Variants in B4GALT2 observed in about 807,000 individuals in gnomAD.
B4GALT2 encodes beta-1,4-galactosyltransferase 2.
Under a neutral mutation model 33.2 loss-of-function variants are expected in B4GALT2, and 18 were observed. The ratio of observed to expected loss-of-function variants is 0.54; its 90% CI spans 0.38 to 0.80. The LOEUF (loss-of-function observed/expected upper bound fraction) is 0.80, where lower values mean the gene tolerates loss of function less well. B4GALT2 is among the 30% of genes least tolerant of loss of function. The pLI, the probability that B4GALT2 is intolerant of heterozygous loss-of-function variation, is 0.00. For synonymous variants in B4GALT2, 214 were observed against 217.6 expected (o/e 0.98, Z 0.15); for missense variants, 404 against 526.2 (o/e 0.77, Z 2.27).
chr1:43,987,309 A>G (rs963343476), intron 6 of B4GALT2, among the ~76,000 whole-genome samples: 2 of 152,130 alleles, frequency 1.3e-5, no homozygotes, highest in South Asian at 2.1e-4. Flanking sequence ...TGGATTGGGT[A>G]TGACTACTCT....
chr1:43,980,302 C>T, intron 1 of B4GALT2: 1 of 403,446 alleles, frequency 2.5e-6, no homozygotes, highest in South Asian at 6.1e-5. Flanking sequence ...CCAAGCATCC[C>T]GTTCCGGGAA....
intron 5 of B4GALT2, 32 bp downstream of exon 5, chr1:43,985,432 G>GA: frequency 9.6e-7 from 1 of 1,046,226 alleles, no homozygotes. Context: ...AATAGGCTGG[G>GA]TGGGGGGGGG....
rs2085722201 is a variant in B4GALT2, at chr1:43,990,701, G to A, written c.*253G>A. On this transcript the variant is annotated 3_prime_UTR_variant, in exon 7 of 7. Transcript: ENST00000372324. ...TTCCCGACCCCCTCCCCCTAGCCCA[G>A]CCCCAGTCACTGTCAGGGTCGGGCC... 3.8e-6 allele frequency: 2 copies of A among 529,868 alleles called. No homozygotes were observed. Among genetic ancestry groups the A allele is most frequent in the Non-Finnish European group, 3.4e-6 (1 of 295,716 alleles). 32.8% of individuals were successfully genotyped at this position (529,868 alleles called of 1,614,324 possible).
At chr1:43,988,531 G>A (rs1482307074) in intron 6 of B4GALT2, among the ~76,000 whole-genome samples, 1 of 151,604 alleles carries the variant, frequency 6.6e-6, no homozygotes, top group African/African-American at 2.4e-5. Flanking sequence ...GTGGTGGTGG[G>A]CGCCTGTAAT....
rs1000164461 is a variant in B4GALT2 at position 43,984,042 on chromosome 1, C to T, written c.550-823C>T. Among the ~76,000 whole-genome samples, 6 of 152,332 alleles carry T rather than the reference C, an allele frequency of 3.9e-5. No homozygotes were observed. The highest frequency in any genetic ancestry group is 3.9e-4 in the East Asian group (2 of 5,182). On this transcript the variant is annotated intron_variant, in intron 3 of 6. Coordinates refer to ENST00000372324, the MANE Select transcript of B4GALT2 (RefSeq NM_003780.5). This position sits in a 1 kb window ranked among gnomAD's most constrained non-coding sequence, Gnocchi z 5.6. ...GTTGGGGCAGGGGCTCAGGGGTCAG[C>T]GCCTCCCACTGAATGCTCCCTGCTA...
At chr1:43,988,171 T>C (rs930480688) in intron 6 of B4GALT2, among the ~76,000 whole-genome samples, 8 of 152,020 alleles carry the variant, frequency 5.3e-5, no homozygotes, top group Admixed American at 2.6e-4. Context: ...ATGATGCATC[T>C]GATTGCGCTT....
intron 1 of B4GALT2, chr1:43,980,443 T>A (rs746390465): frequency 3.1e-5 from 20 of 647,462 alleles, no homozygotes; most frequent in Non-Finnish European, 3.9e-5. Context: ...TGGGAAGGGA[T>A]TCTGTAAACA....
intron 6 of B4GALT2, chr1:43,986,206 GCT>G (rs1256658952): frequency 5.2e-5 from 8 of 154,268 alleles, no homozygotes; most frequent in African/African-American, 1.7e-4. Context: ...TCCTGACACT[GCT>G]CTGACTTGTG....
intron 6 of B4GALT2, 52 bp downstream of exon 6, chr1:43,985,673 C>A: frequency 6.4e-7 from 1 of 1,559,432 alleles, no homozygotes; most frequent in South Asian, 1.1e-5. Context: ...TCCCAATATC[C>A]CCAACTCTTG....
rs1557654225 is a variant in B4GALT2 at position 43,990,285 on chromosome 1, C to T, written c.969-13C>T. ...TTGTTAGCCCTGATGTGGACCATTT[C>T]CATCCTATCTAGGTTTACCAAGATT... On this transcript the variant is annotated splice_polypyrimidine_tract_variant and intron_variant, in intron 6 of 6. Coordinates refer to ENST00000372324, the MANE Select transcript of B4GALT2 (RefSeq NM_003780.5). The T allele has an allele frequency of 6.2e-7, 1 of 1,613,922 alleles. No individual in the cohort carries two copies. Among genetic ancestry groups the T allele is most frequent in the Non-Finnish European group, 8.5e-7 (1 of 1,179,842 alleles).
chr1:43,985,433 T>TCGG (rs2085645774), intron 5 of B4GALT2, 33 bp downstream of exon 5: 1 of 137,164 alleles, frequency 7.3e-6, no homozygotes, highest in African/African-American at 1.8e-4. Flanking sequence ...ATAGGCTGGG[T>TCGG]GGGGGGGGGA....
chr1:43,981,422 G>T lies in B4GALT2; in HGVS notation c.262G>T (p.Gly88Cys), dbSNP rs367580012. The T allele has an allele frequency of 1.3e-6, 2 of 1,594,560 alleles. No homozygotes were observed. The highest frequency in any genetic ancestry group is 2.7e-5 in the African/African-American group (2 of 74,854). Reference protein sequence around the residue: ...GLPEVPSALPGPTAPTLPPCP... With the variant: ...GLPEVPSALPCPTAPTLPPCP... ...CCCTGAGGTCCCCAGTGCCCTGCCCGGTCCCACGGCTCCCACGCTGCCACC... is the reference window on the plus strand; with the variant it reads ...CCCTGAGGTCCCCAGTGCCCTGCCCTGTCCCACGGCTCCCACGCTGCCACC... The change falls in exon 2 of 7, where the codon GGT becomes TGT. Residue 88 changes from glycine (G) to cysteine (C), a missense_variant. Gly to Cys is a radical substitution (Grantham distance 159). Transcript: ENST00000372324. The surrounding 1 kb of genome is among the most constrained non-coding windows in gnomAD (Gnocchi z 8.1).
intron 6 of B4GALT2, among the ~76,000 whole-genome samples, chr1:43,987,522 T>C (rs1249300037): frequency 6.6e-6 from 1 of 152,150 alleles, no homozygotes; most frequent in Non-Finnish European, 1.5e-5. Context: ...TCACCCTACA[T>C]ATCCAAACCC....
intron 6 of B4GALT2, among the ~76,000 whole-genome samples, chr1:43,989,137 A>G (rs1021100243): frequency 3.9e-5 from 6 of 152,266 alleles, no homozygotes; most frequent in African/African-American, 1.4e-4. Flanking sequence ...ACCTGAGGTT[A>G]GGAGTTCGAG....
In B4GALT2 at chr1:43,981,497, C is replaced by A; in HGVS notation, c.313+24C>A. 6.5e-7 allele frequency: 1 copy of A among 1,548,734 alleles called. No homozygotes were observed. Among genetic ancestry groups the A allele is most frequent in the Non-Finnish European group, 8.7e-7 (1 of 1,151,842 alleles). On this transcript the variant is annotated intron_variant, in intron 2 of 6. Transcript: ENST00000372324. This position sits in a 1 kb window ranked among gnomAD's most constrained non-coding sequence, Gnocchi z 8.1. ...TGGTGAGCCTGGAGGGTAGGGCCTG[C>A]CTGTGGGGAAACAGGGTTTTATTGG...
chr1:43,981,882 G>T lies in B4GALT2; in HGVS notation c.507G>T (p.Leu169Phe), dbSNP rs1362195588. The change falls in exon 3 of 7, where the codon TTG (leucine) becomes TTT (phenylalanine). Residue 169 changes from leucine to phenylalanine, a missense_variant. By Grantham distance (22) the Leu-to-Phe change is conservative. Transcript: ENST00000372324. This position sits in a 1 kb window ranked among gnomAD's most constrained non-coding sequence, Gnocchi z 8.1. ...GGCTCCACTATCTACACCCCATCTTGAGGCGGCAGCGGCTGCGCTACGGCG... is the reference window on the plus strand; with the variant it reads ...GGCTCCACTATCTACACCCCATCTTTAGGCGGCAGCGGCTGCGCTACGGCG... The part of the protein sequence containing the change: ...RYWLHYLHPI[L>F]RRQRLRYGVY... 1 of 1,613,830 alleles carries T rather than the reference G, an allele frequency of 6.2e-7. No individual in the cohort carries two copies. The highest frequency in any genetic ancestry group is 1.3e-5 in the African/African-American group (1 of 74,936).
At position 43,990,653 on chromosome 1, in the gene B4GALT2, G is replaced by A. The variant is rs1454882355; in HGVS notation, c.*205G>A. ...TGCCTGGGCAGGCTCTTCAAGTGTG[G>A]CCCTCTTTGGAGTCAACCCTCCTTC... On this transcript the variant is annotated 3_prime_UTR_variant, in exon 7 of 7. Coordinates refer to ENST00000372324, the MANE Select transcript of B4GALT2 (RefSeq NM_003780.5). The A allele has an allele frequency of 7.4e-6, 5 of 676,162 alleles. No homozygotes were observed. Among genetic ancestry groups the A allele is most frequent in the Admixed American group, 3.0e-5 (1 of 33,474 alleles). The allele number at this position is 676,162 out of a possible 1,614,324, so 41.9% of individuals were successfully genotyped here.
chr1:43,985,429 T>A, intron 5 of B4GALT2, 29 bp downstream of exon 5: 1 of 184,700 alleles, frequency 5.4e-6, no homozygotes, highest in Non-Finnish European at 8.7e-6. Context: ...GGGAATAGGC[T>A]GGGTGGGGGG....
At chr1:43,986,371 T>C (rs1052827226) in intron 6 of B4GALT2, among the ~76,000 whole-genome samples, 1 of 152,168 alleles carries the variant, frequency 6.6e-6, no homozygotes, top group Non-Finnish European at 1.5e-5. Flanking sequence ...GAAGAGGGAC[T>C]GGTGATGGAA....
Sources: allele counts gnomAD v4.1 joint callset (sites outside exome capture counted in the v4.1 genomes callset), GRCh38; gene constraint gnomAD v4.1.1; non-coding constraint Gnocchi (gnomAD v3.1); transcripts MANE v1.5; gene names NCBI Gene and HGNC (gene_info 2026-07-23, HGNC 2026-07-21).